UBE2F: variants seen among roughly 807,000 people sequenced by gnomAD.
UBE2F encodes the protein NEDD8-conjugating enzyme UBE2F.
In UBE2F, 5 loss-of-function variants were observed where a neutral mutation model predicts 29.6. The observed-to-expected ratio is 0.17, with a 90% CI of 0.09 to 0.36. UBE2F has a LOEUF of 0.36. Among genes scored for constraint, UBE2F ranks in the 10% least tolerant of loss-of-function variants. UBE2F has a pLI of 1.00. For missense variants in UBE2F, 141 were observed against 228.5 expected (o/e 0.62, Z 2.47); for synonymous variants, 66 against 81.8 (o/e 0.81, Z 1.04).
chr2:238,016,115 G>C (rs1693754100), intron 4 of UBE2F, among the ~76,000 whole-genome samples: 1 of 152,248 alleles, frequency 6.6e-6, no homozygotes, highest in Non-Finnish European at 1.5e-5. Flanking sequence ...ATGCCCAGCA[G>C]AGGTTGGGTG....
chr2:237,992,646 A>T (rs969888674), intron 3 of UBE2F, among the ~76,000 whole-genome samples: 1 of 152,218 alleles, frequency 6.6e-6, no homozygotes, highest in Admixed American at 6.5e-5. Flanking sequence ...GGCATGAGGT[A>T]GGGGAAGGAG....
intron 8 of UBE2F, chr2:238,035,265 G>C (rs543897504): frequency 3.9e-5 from 6 of 153,534 alleles, no homozygotes; most frequent in Admixed American, 1.3e-4. Context: ...CCAAAGTCCA[G>C]AGTGCTTCTT....
chr2:237,986,398 A>G (rs2063483552), intron 2 of UBE2F: 1 of 157,056 alleles, frequency 6.4e-6, no homozygotes, highest in Non-Finnish European at 1.4e-5. Flanking sequence ...CAAGCTATCT[A>G]CCCACCTGAC....
intron 4 of UBE2F, among the ~76,000 whole-genome samples, chr2:238,002,233 T>TA (rs1445303094): frequency 7.0e-5 from 3 of 42,692 alleles, no homozygotes; most frequent in Non-Finnish European, 1.5e-4. Flanking sequence ...CCCAGATAAT[T>TA]TTTTTTTTTT....
chr2:238,032,271 A>G lies in UBE2F; in HGVS notation c.444+17A>G, dbSNP rs1285781861. On this transcript the variant is annotated intron_variant, in intron 8 of 9. Transcript: ENST00000272930. ...TTGTTTACTGTAAGTACAGTGATCA[A>G]AATCCCAAGTTATTCTCAATTTCCT... The G allele has an allele frequency of 2.2e-5, 35 of 1,601,604 alleles. No individual in the cohort carries two copies. Among genetic ancestry groups the G allele is most frequent in the Middle Eastern group, 1.7e-4 (1 of 5,970 alleles).
At chr2:238,024,517 T>C (rs1443670534) in intron 5 of UBE2F, among the ~76,000 whole-genome samples, 2 of 152,074 alleles carry the variant, frequency 1.3e-5, no homozygotes, top group African/African-American at 4.8e-5. Flanking sequence ...AGCTCTTTTT[T>C]TTTCCCTGGA....
intron 5 of UBE2F, among the ~76,000 whole-genome samples, chr2:238,017,840 TC>T (rs1181116610): frequency 6.6e-6 from 1 of 152,192 alleles, no homozygotes; most frequent in Non-Finnish European, 1.5e-5. Flanking sequence ...TCCTGTGACT[TC>T]GCTTGTGGGA....
chr2:237,995,124 C>T (rs1271463747), intron 4 of UBE2F, among the ~76,000 whole-genome samples: 7 of 152,250 alleles, frequency 4.6e-5, no homozygotes, highest in Non-Finnish European at 8.8e-5. Flanking sequence ...TTTTCCCTTA[C>T]GTAGGAATAG....
chr2:237,988,995 C>T (rs972053197), intron 3 of UBE2F, among the ~76,000 whole-genome samples: 1 of 152,172 alleles, frequency 6.6e-6, no homozygotes, highest in Non-Finnish European at 1.5e-5. Flanking sequence ...TAATACATGT[C>T]GTATTCTCTC....
intron 2 of UBE2F, 24 bp from the exon 3 acceptor site, chr2:237,987,939 A>G (rs1304129246): frequency 7.2e-7 from 1 of 1,388,578 alleles, no homozygotes; most frequent in South Asian, 1.3e-5. Flanking sequence ...ACTAATATTA[A>G]TAATAATTTC....
rs1264858066 is a variant in UBE2F at position 238,042,280 on chromosome 2, G to A, written c.*942G>A. The A allele has an allele frequency of 6.6e-6, 1 of 152,226 alleles. No homozygotes were observed. The highest frequency in any genetic ancestry group is 2.4e-5 in the African/African-American group (1 of 41,438). 9.4% of individuals were successfully genotyped at this position (152,226 alleles called of 1,614,324 possible). On this transcript the variant is annotated 3_prime_UTR_variant, in exon 10 of 10. Transcript: ENST00000272930. ...TGCAGTGGTCATGTGATTGTGACCT[G>A]GTAGCTACTTATCAGAGAGCCAGAC...
Position 238,041,873 on chromosome 2 carries a change from A to T in UBE2F, c.*535A>T, listed in dbSNP as rs904789988. 2.0e-5 allele frequency: 3 copies of T among 152,792 alleles called. No homozygotes were observed. The highest frequency in any genetic ancestry group is 7.2e-5 in the African/African-American group (3 of 41,456). The allele number at this position is 152,792 out of a possible 1,614,324, so 9.5% of individuals were successfully genotyped here. A position where few individuals can be genotyped will look rare whatever the true frequency, so the allele number is the denominator to read the frequency against. ...TAGAGTCATTCACTGTAGATCTCTT[A>T]TTGAAATGCGTATTTTATTTAATGT... On this transcript the variant is annotated 3_prime_UTR_variant, in exon 10 of 10. Transcript: ENST00000272930.
intron 4 of UBE2F, among the ~76,000 whole-genome samples, chr2:238,000,025 T>C (rs1329590610): frequency 6.6e-6 from 1 of 152,100 alleles, no homozygotes; most frequent in Non-Finnish European, 1.5e-5. Flanking sequence ...GGTTTCACGA[T>C]GTTGGCCAGG....
chr2:238,005,969 A>G (rs1355475153), intron 4 of UBE2F, among the ~76,000 whole-genome samples: 1 of 152,174 alleles, frequency 6.6e-6, no homozygotes, highest in Non-Finnish European at 1.5e-5. Context: ...TTTGATTAGG[A>G]CTGCATTGAC....
Position 238,019,859 on chromosome 2 carries a change from CA to C in UBE2F, c.282+3227del, listed in dbSNP as rs1342489585. ...AGTTTTAGTAGAGACGGGGTTTCAC[CA>C]TGTTGGCCGGGTTGGTCTCGAACTC... On this transcript the variant is annotated intron_variant, in intron 5 of 9. Coordinates refer to ENST00000272930, the MANE Select transcript of UBE2F (RefSeq NM_080678.3). 2.6e-5 allele frequency among the ~76,000 whole-genome samples: 4 copies of C among 152,044 alleles called. No individual in the cohort carries two copies. In the East Asian group the frequency reaches 7.8e-4, roughly 29 times the overall value.
intron 1 of UBE2F, among the ~76,000 whole-genome samples, chr2:237,971,511 A>T (rs191196154): frequency 5.9e-5 from 9 of 152,116 alleles, no homozygotes; most frequent in Non-Finnish European, 7.4e-5. Flanking sequence ...TTTAGTAGAG[A>T]CGGGGTTTCA....
At chr2:237,973,813 T>TA (rs2063220271) in intron 2 of UBE2F, 1 of 593,848 alleles carries the variant, frequency 1.7e-6, no homozygotes, top group Non-Finnish European at 2.3e-6. Context: ...TGCATGCAGA[T>TA]ATGCATTCAT....
At chr2:237,997,667 G>A (rs2063717536) in intron 4 of UBE2F, among the ~76,000 whole-genome samples, 1 of 152,190 alleles carries the variant, frequency 6.6e-6, no homozygotes, top group Admixed American at 6.5e-5. Flanking sequence ...GGGTTAGAAT[G>A]GTCAAGAGTG....
In UBE2F at chr2:237,967,217, G is replaced by A; in HGVS notation, c.-17+85G>A. On this transcript the variant is annotated intron_variant, in intron 1 of 9. Coordinates refer to ENST00000272930, the MANE Select transcript of UBE2F (RefSeq NM_080678.3). This position sits in a 1 kb window ranked among gnomAD's most constrained non-coding sequence, Gnocchi z 6.3. ...GGCCTGCGGGCCGGGCGGAGGGCGC[G>A]GGCGGTGGCGGGGCCGCCTCGGGCC... 1.1e-6 allele frequency: 1 copy of A among 927,764 alleles called. No homozygotes were observed. The highest frequency in any genetic ancestry group is 1.3e-6 in the Non-Finnish European group (1 of 774,010). 57.5% of individuals were successfully genotyped at this position (927,764 alleles called of 1,614,324 possible). A position where few individuals can be genotyped will look rare whatever the true frequency, so the allele number is the denominator to read the frequency against.
Sources: gnomAD v4.1 joint callset for allele counts (sites outside exome capture counted in the v4.1 genomes callset) on GRCh38, gnomAD v4.1.1 for gene constraint, Gnocchi (gnomAD v3.1) non-coding constraint, MANE v1.5 for transcripts, NCBI Gene and HGNC (gene_info 2026-07-23, HGNC 2026-07-21) for gene names.